RAB38: variants seen among roughly 807,000 people sequenced by gnomAD.
RAB38 encodes RAB38, member RAS oncogene family, also known as ras-related protein Rab-38.
In RAB38, 15 loss-of-function variants were observed where a neutral mutation model predicts 18.4. That is an observed-to-expected ratio of 0.82 (90% CI 0.55 to 1.26). RAB38 has a LOEUF of 1.26. Ranked by LOEUF, RAB38 falls within the 50% of genes most tolerant of loss-of-function variation. RAB38 has a pLI of 0.00. For synonymous variants in RAB38, 101 were observed against 104.4 expected, an observed-to-expected ratio of 0.97 and a Z score of 0.20; for missense variants, 294 against 267.4, an observed-to-expected ratio of 1.10 and a Z score of -0.69.
chr11:87,978,048 T>A, the RAB38 span, among the ~76,000 whole-genome samples: 3 of 105,184 alleles, frequency 2.9e-5, no homozygotes, highest in Non-Finnish European at 3.6e-5. Context: ...ATACATCTAT[T>A]TTTATCATAT....
chr11:88,140,057 C>A (rs1942887555), intron 2 of RAB38, among the ~76,000 whole-genome samples: 1 of 152,172 alleles, frequency 6.6e-6, no homozygotes, highest in African/African-American at 2.4e-5. Context: ...GAATGACTTG[C>A]ATAATTCGGT....
chr11:87,910,721 A>G, the RAB38 span, among the ~76,000 whole-genome samples: 2 of 144,998 alleles, frequency 1.4e-5, no homozygotes, highest in African/African-American at 2.7e-5. Flanking sequence ...GCTTACTGCA[A>G]TCTTCGACTC....
At chr11:88,086,498 G>A in the RAB38 span, among the ~76,000 whole-genome samples, 5 of 151,954 alleles carry the variant, frequency 3.3e-5, no homozygotes, top group African/African-American at 4.8e-5. Flanking sequence ...TCCTAATTAC[G>A]CTGGTGATGG....
At chr11:88,146,713 T>A (rs188204710) in intron 2 of RAB38, among the ~76,000 whole-genome samples, 1 of 152,354 alleles carries the variant, frequency 6.6e-6, no homozygotes, top group East Asian at 1.9e-4. Flanking sequence ...TGACTTTGAA[T>A]ACTAACCTGG....
the RAB38 span, among the ~76,000 whole-genome samples, chr11:88,030,845 A>T: frequency 6.6e-6 from 1 of 152,100 alleles, no homozygotes; most frequent in Non-Finnish European, 1.5e-5. Context: ...TCCAATCAAT[A>T]GAAAAAGAGG....
In RAB38 at chr11:88,151,937, G is replaced by T. The variant is rs548519249; in HGVS notation, c.203-1982C>A. ...ACAATCTTACAGTATTTCTTACGTG[G>T]GTTATACCAGAGACGCATTTTTTTA... On this transcript the variant is annotated intron_variant, in intron 1 of 2. Transcript: ENST00000243662. 2.0e-5 allele frequency among the ~76,000 whole-genome samples: 3 copies of T among 152,302 alleles called. No individual in the cohort carries two copies. The East Asian group carries it at 5.8e-4, about 29-fold the overall frequency.
chr11:88,052,597 A>T, the RAB38 span, among the ~76,000 whole-genome samples: 1 of 151,942 alleles, frequency 6.6e-6, no homozygotes, highest in Non-Finnish European at 1.5e-5. Flanking sequence ...TCTCTTTTTT[A>T]AAATGTGAAG....
chr11:87,929,899 AT>A, the RAB38 span, among the ~76,000 whole-genome samples: 5 of 151,660 alleles, frequency 3.3e-5, no homozygotes, highest in Non-Finnish European at 5.9e-5. Flanking sequence ...TGAACTCATC[AT>A]TTTTTATGGC....
the RAB38 span, among the ~76,000 whole-genome samples, chr11:87,882,981 A>T: frequency 6.6e-6 from 1 of 151,900 alleles, no homozygotes; most frequent in Non-Finnish European, 1.5e-5. Flanking sequence ...GTTCCAGAGG[A>T]TTCATTGAAT....
chr11:87,947,722 C>T, the RAB38 span, among the ~76,000 whole-genome samples: 45 of 152,216 alleles, frequency 3.0e-4, no homozygotes, highest in African/African-American at 8.9e-4. Context: ...TATTTGAGGG[C>T]TCTGTTCTGT....
the RAB38 span, among the ~76,000 whole-genome samples, chr11:87,893,371 C>CATATATATATATATATGTGT: frequency 5.9e-4 from 51 of 86,418 alleles, 1 homozygote; most frequent in African/African-American, 1.9e-3. Context: ...ATATATTTTA[C>CATATATATATATATATGTGT]ATATATATAT....
At chr11:88,174,620 CAAAAAAAAAAA>C (rs60026669) in intron 1 of RAB38, among the ~76,000 whole-genome samples, 1 of 101,130 alleles carries the variant, frequency 9.9e-6, no homozygotes, top group East Asian at 3.5e-4. Context: ...AAGCAAAAAG[CAAAAAAAAAAA>C]AAAAAAAAAA....
the RAB38 span, among the ~76,000 whole-genome samples, chr11:87,934,309 T>C: frequency 6.6e-6 from 1 of 152,138 alleles, no homozygotes; most frequent in African/African-American, 2.4e-5. Flanking sequence ...AGTTTCAACT[T>C]GATTCTTTCT....
the RAB38 span, among the ~76,000 whole-genome samples, chr11:87,948,633 T>C: frequency 6.6e-6 from 1 of 151,882 alleles, no homozygotes; most frequent in Middle Eastern, 3.4e-3. Context: ...GAAAGGACTT[T>C]TCTGCATCTA....
At chr11:87,917,158 G>A in the RAB38 span, among the ~76,000 whole-genome samples, 1 of 152,122 alleles carries the variant, frequency 6.6e-6, no homozygotes, top group Non-Finnish European at 1.5e-5. Context: ...TTCAGAGAAA[G>A]TAGGCACAAG....
the RAB38 span, among the ~76,000 whole-genome samples, chr11:88,045,330 T>G: frequency 6.6e-6 from 1 of 152,160 alleles, no homozygotes; most frequent in Non-Finnish European, 1.5e-5. Flanking sequence ...AGTAGCAACA[T>G]ATTTCTGAGT....
chr11:88,022,413 GA>G, the RAB38 span, among the ~76,000 whole-genome samples: 6 of 151,584 alleles, frequency 4.0e-5, no homozygotes, highest in African/African-American at 1.5e-4. Flanking sequence ...GGGAAAAACT[GA>G]AAATCTTTCC....
At chr11:88,149,305 A>T (rs1482798445) in intron 2 of RAB38, among the ~76,000 whole-genome samples, 2 of 152,236 alleles carry the variant, frequency 1.3e-5, no homozygotes, top group Non-Finnish European at 1.5e-5. Flanking sequence ...ATTAACTAAC[A>T]CATGAATAAG....
At chr11:87,904,590 T>A in the RAB38 span, among the ~76,000 whole-genome samples, 5 of 151,744 alleles carry the variant, frequency 3.3e-5, no homozygotes, top group South Asian at 2.1e-4. Flanking sequence ...TGATTTTTTT[T>A]AATATCCAGT....
Sources: gnomAD v4.1 joint callset for allele counts (sites outside exome capture counted in the v4.1 genomes callset) on GRCh38, gnomAD v4.1.1 for gene constraint, MANE v1.5 for transcripts, NCBI Gene and HGNC (gene_info 2026-07-23, HGNC 2026-07-21) for gene names.